CUL2: variants seen among roughly 807,000 people sequenced by gnomAD.
CUL2 encodes cullin-2.
CUL2 carries 22 observed loss-of-function variants against 110.2 expected under a neutral mutation model. The ratio of observed to expected loss-of-function variants is 0.20; its 90% CI spans 0.14 to 0.28. CUL2 has a LOEUF of 0.28. CUL2 is among the 10% of genes least tolerant of loss of function. The pLI, the probability that CUL2 is intolerant of heterozygous loss-of-function variation, is 1.00. For missense variants in CUL2, 631 were observed against 905.5 expected, an observed-to-expected ratio of 0.70 and a Z score of 3.89; for synonymous variants, 279 against 293.2, an observed-to-expected ratio of 0.95 and a Z score of 0.49.
chr10:35,033,750 C>T (rs1481608586), intron 10 of CUL2, among the ~76,000 whole-genome samples: 1 of 17,894 alleles, frequency 5.6e-5, no homozygotes, highest in Admixed American at 8.8e-4. Context: ...AAAACAACAA[C>T]AACAACAAAA....
chr10:35,059,282 T>C (rs1292643444), intron 4 of CUL2, among the ~76,000 whole-genome samples: 2 of 152,160 alleles, frequency 1.3e-5, no homozygotes, highest in African/African-American at 2.4e-5. Flanking sequence ...AGAAATCTTT[T>C]GTGAAGAAAG....
intron 1 of CUL2, among the ~76,000 whole-genome samples, chr10:35,117,689 G>A (rs2087626061): frequency 6.6e-6 from 1 of 152,190 alleles, no homozygotes; most frequent in Non-Finnish European, 1.5e-5. Flanking sequence ...TCTGCTACAT[G>A]TGAGTGGTGT....
intron 1 of CUL2, among the ~76,000 whole-genome samples, chr10:35,116,344 C>CA (rs947990510): frequency 4.7e-5 from 7 of 147,408 alleles, no homozygotes; most frequent in Admixed American, 1.3e-4. Flanking sequence ...GACTCCATCT[C>CA]AAAAAAAAAA....
At position 35,044,856 on chromosome 10, in the gene CUL2, T is replaced by A. The variant is rs772715222; in HGVS notation, c.519A>T (p.Gly173=). The change falls in exon 7 of 21, where the codon GGA becomes GGT. Residue 173 remains glycine (G), a synonymous_variant. Transcript: ENST00000374749. ...GGATTACTTTCTGGTTTGGGTCTTC[T>A]CCACCACGATCACTAAAACAAGGTA... ...LLREIKNDRG[G]EDPNQKVIHG... is the part of the protein sequence containing the mutation. The A allele has an allele frequency of 2.5e-6, 4 of 1,611,546 alleles. No individual in the cohort carries two copies. Among genetic ancestry groups the A allele is most frequent in the East Asian group, 2.2e-5 (1 of 44,756 alleles).
chr10:35,015,202 A>G (rs1017041180), intron 18 of CUL2, among the ~76,000 whole-genome samples: 22 of 151,874 alleles, frequency 1.4e-4, no homozygotes, highest in African/African-American at 5.3e-4. Context: ...CTGAGACAGG[A>G]GAATCATTTG....
At chr10:35,046,466 T>C (rs750045607) in intron 6 of CUL2, among the ~76,000 whole-genome samples, 1 of 152,218 alleles carries the variant, frequency 6.6e-6, no homozygotes, top group African/African-American at 2.4e-5. Context: ...AGGAACCTAA[T>C]ATACGCCACT....
chr10:35,067,215 C>T (rs1433972483), intron 2 of CUL2, among the ~76,000 whole-genome samples: 4 of 151,788 alleles, frequency 2.6e-5, no homozygotes, highest in Non-Finnish European at 4.4e-5. Context: ...ACTCATATTC[C>T]TACCTGGAAG....
Position 35,109,279 on chromosome 10 carries a change from C to G in CUL2, c.-50-8219G>C, listed in dbSNP as rs186816864. 1.7e-3 allele frequency among the ~76,000 whole-genome samples: 256 copies of G among 152,212 alleles called. 1 individual carries two copies. Among genetic ancestry groups the G allele is most frequent in the Admixed American group, 4.2e-3 (64 of 15,282 alleles). On this transcript the variant is annotated intron_variant, in intron 1 of 5. Transcript: ENST00000685421. The stretch of plus-strand genomic sequence containing the variant: ...AACAAAACACAACAAAAAACCTGAC[C>G]GTCATTTCAACCAGGCAGAATTATA...
rs116208262 is a variant in CUL2, at chr10:35,029,352, C to T, written c.1539+136G>A. 3.4e-4 allele frequency: 208 copies of T among 604,186 alleles called. 1 individual carries two copies. In the African/African-American group the frequency reaches 3.7e-3, roughly 11 times the overall value. The allele number at this position is 604,186 out of a possible 1,614,324, so 37.4% of individuals were successfully genotyped here. A position where few individuals can be genotyped will look rare whatever the true frequency, so the allele number is the denominator to read the frequency against. On this transcript the variant is annotated intron_variant, in intron 15 of 20. Coordinates refer to ENST00000374749, the MANE Select transcript of CUL2 (RefSeq NM_003591.4). ...GATTACAGGCATAAGCCACCACGCC[C>T]AGCCCAAATCAATAGGACTTTAGAA...
chr10:35,105,895 T>C (rs1400113179), intron 1 of CUL2, among the ~76,000 whole-genome samples: 5 of 150,846 alleles, frequency 3.3e-5, no homozygotes, highest in Non-Finnish European at 1.5e-5. Context: ...AATGACATAT[T>C]GGTATGATGA....
intron 1 of CUL2, 137 bp from the exon 2 acceptor site, chr10:35,071,476 C>T: frequency 1.5e-6 from 1 of 669,010 alleles, no homozygotes; most frequent in Non-Finnish European, 2.4e-6. Context: ...GTGATCTTGG[C>T]TCACTGCAAG....
intron 10 of CUL2, among the ~76,000 whole-genome samples, chr10:35,033,715 C>A (rs772097575): frequency 1.4e-5 from 2 of 147,162 alleles, no homozygotes; most frequent in Non-Finnish European, 3.0e-5. Flanking sequence ...CCAGCTTGGG[C>A]GACAGAGTGA....
chr10:35,058,887 C>A (rs1193303869), intron 4 of CUL2, among the ~76,000 whole-genome samples: 1 of 152,136 alleles, frequency 6.6e-6, no homozygotes, highest in African/African-American at 2.4e-5. Flanking sequence ...GAGACAGCTG[C>A]CTCAGTCACT....
intron 4 of CUL2, among the ~76,000 whole-genome samples, chr10:35,054,839 A>G (rs1372888055): frequency 6.6e-6 from 1 of 152,188 alleles, no homozygotes; most frequent in Non-Finnish European, 1.5e-5. Context: ...GTCAAGATAA[A>G]GTCCACTTTC....
At chr10:35,024,984 G>T in intron 17 of CUL2, 148 bp downstream of exon 17, 1 of 1,161,104 alleles carries the variant, frequency 8.6e-7, no homozygotes, top group Non-Finnish European at 1.1e-6. Flanking sequence ...TGCTATACTT[G>T]GATTTCATTG....
At chr10:35,011,180 C>T (rs1019118779) in intron 20 of CUL2, among the ~76,000 whole-genome samples, 10 of 151,754 alleles carry the variant, frequency 6.6e-5, no homozygotes, top group African/African-American at 2.4e-4. Flanking sequence ...ACAAGTGTGC[C>T]GCCACAACTG....
chr10:35,047,291 T>C (rs1033905008), intron 6 of CUL2, among the ~76,000 whole-genome samples: 2 of 152,100 alleles, frequency 1.3e-5, no homozygotes, highest in African/African-American at 2.4e-5. Flanking sequence ...GTGAACACAT[T>C]AGATTACAAT....
At chr10:35,066,975 G>A (rs745373494) in intron 2 of CUL2, among the ~76,000 whole-genome samples, 1 of 152,002 alleles carries the variant, frequency 6.6e-6, no homozygotes, top group Admixed American at 6.6e-5. Flanking sequence ...GTTTGAAAGA[G>A]ATGCCTGATA....
At chr10:35,019,136 C>T (rs556567500) in intron 17 of CUL2, among the ~76,000 whole-genome samples, 1 of 152,192 alleles carries the variant, frequency 6.6e-6, no homozygotes, top group South Asian at 2.1e-4. Context: ...TCTGCAATGA[C>T]GACTTAATCA....
Sources: allele counts gnomAD v4.1 joint callset (sites outside exome capture counted in the v4.1 genomes callset), GRCh38; gene constraint gnomAD v4.1.1; transcripts MANE v1.5; gene names NCBI Gene and HGNC (gene_info 2026-07-23, HGNC 2026-07-21).